Variants in LRRTM4 observed in about 807,000 individuals in gnomAD.
LRRTM4 encodes the protein leucine rich repeat transmembrane neuronal 4, also known as leucine-rich repeat transmembrane neuronal protein 4.
A neutral mutation model predicts 47.6 loss-of-function variants in LRRTM4; 25 were observed. That is an observed-to-expected ratio of 0.53 (90% confidence interval 0.38 to 0.73). The LOEUF is 0.73. LRRTM4 is among the 30% of genes least tolerant of loss of function. The pLI, the probability that LRRTM4 is intolerant of heterozygous loss-of-function variation, is 0.00. For synonymous variants in LRRTM4, 311 were observed against 269.5 expected, an observed-to-expected ratio of 1.15 and a Z score of -1.51; for missense variants, 638 against 713.4, an observed-to-expected ratio of 0.89 and a Z score of 1.20.
At chr2:77,475,438 A>AT (rs1450906924) in intron 3 of LRRTM4, among the ~76,000 whole-genome samples, 1 of 152,044 alleles carries the variant, frequency 6.6e-6, no homozygotes, top group Non-Finnish European at 1.5e-5. Flanking sequence ...TGGCTAAAAT[A>AT]CTTTTTACAA....
chr2:77,478,493 A>T (rs994925166), intron 3 of LRRTM4, among the ~76,000 whole-genome samples: 1 of 152,190 alleles, frequency 6.6e-6, no homozygotes, highest in African/African-American at 2.4e-5. Context: ...TTAGCATTTT[A>T]AAAATTTCAT....
chr2:77,398,408 G>T (rs1054144703), intron 3 of LRRTM4, among the ~76,000 whole-genome samples: 1 of 151,850 alleles, frequency 6.6e-6, no homozygotes, highest in Admixed American at 6.6e-5. Context: ...TCTCAGAGGA[G>T]TCTGAGCTGC....
intron 3 of LRRTM4, among the ~76,000 whole-genome samples, chr2:77,363,970 T>C (rs1167902733): frequency 1.3e-5 from 2 of 152,106 alleles, no homozygotes; most frequent in Non-Finnish European, 2.9e-5. Context: ...CCCCATATGA[T>C]TGACACATTT....
intron 3 of LRRTM4, among the ~76,000 whole-genome samples, chr2:76,800,997 A>C (rs373147431): frequency 0.041 from 5,996 of 147,132 alleles, 453 homozygotes; most frequent in African/African-American, 0.13. Context: ...GGCAATCATT[A>C]AAAAGGCAGG....
rs544630064 is a variant in LRRTM4, at chr2:77,176,731, T to C, written c.1551+341587A>G. Among the ~76,000 whole-genome samples the C allele has an allele frequency of 2.6e-5, 4 of 152,294 alleles. No homozygotes were observed. In the South Asian group the frequency reaches 8.3e-4, roughly 32 times the overall value. ...AGGAATTTAGGAAACTGATTTTACATATTGGTTTTATATTTTAGGCATTCT... is the reference window on the plus strand; with the variant it reads ...AGGAATTTAGGAAACTGATTTTACACATTGGTTTTATATTTTAGGCATTCT... On this transcript the variant is annotated intron_variant, in intron 3 of 3. Transcript: ENST00000409884.
chr2:76,834,843 T>C (rs758776945), intron 3 of LRRTM4, among the ~76,000 whole-genome samples: 3 of 152,148 alleles, frequency 2.0e-5, no homozygotes, highest in Non-Finnish European at 2.9e-5. Context: ...CAATAGTACT[T>C]GAATAAATGC....
At chr2:76,859,384 T>C (rs572430927) in intron 3 of LRRTM4, among the ~76,000 whole-genome samples, 12 of 152,280 alleles carry the variant, frequency 7.9e-5, no homozygotes, top group African/African-American at 2.4e-4. Context: ...GTTAAACACA[T>C]TGGATAATGC....
chr2:77,031,799 T>C (rs1293555776), intron 3 of LRRTM4, among the ~76,000 whole-genome samples: 1 of 152,130 alleles, frequency 6.6e-6, no homozygotes, highest in African/African-American at 2.4e-5. Flanking sequence ...TAAATTAATA[T>C]AGTGAATTAT....
Position 77,406,195 on chromosome 2 carries a change from T to C in LRRTM4, c.1551+112123A>G, listed in dbSNP as rs1269192003. 2.0e-5 allele frequency among the ~76,000 whole-genome samples: 3 copies of C among 152,034 alleles called. No individual in the cohort carries two copies. In the East Asian group the frequency reaches 5.8e-4, roughly 29 times the overall value. On this transcript the variant is annotated intron_variant, in intron 3 of 3. Coordinates refer to ENST00000409884, the MANE Select transcript of LRRTM4 (RefSeq NM_001134745.3). ...AACAGGAAAATGAGAAAAAAAGATA[T>C]ACCTGAAAGCTGTTGACTAGAGTCT...
chr2:77,204,741 G>T (rs776749546), intron 3 of LRRTM4, among the ~76,000 whole-genome samples: 19 of 152,104 alleles, frequency 1.2e-4, no homozygotes, highest in Non-Finnish European at 2.2e-4. Context: ...ACTCCATGAA[G>T]GTAGCAGCCT....
intron 3 of LRRTM4, among the ~76,000 whole-genome samples, chr2:76,908,768 T>G (rs192739242): frequency 6.6e-6 from 1 of 151,944 alleles, no homozygotes; most frequent in South Asian, 2.1e-4. Context: ...ATAAAATACC[T>G]AGGAATCCAC....
At chr2:77,251,343 A>G (rs1407210707) in intron 3 of LRRTM4, among the ~76,000 whole-genome samples, 1 of 151,440 alleles carries the variant, frequency 6.6e-6, no homozygotes, top group Non-Finnish European at 1.5e-5. Flanking sequence ...GCACTTGTCT[A>G]TTGTAGATTT....
At chr2:77,020,093 A>T (rs577411119) in intron 3 of LRRTM4, among the ~76,000 whole-genome samples, 1 of 152,294 alleles carries the variant, frequency 6.6e-6, no homozygotes, top group Admixed American at 6.5e-5. Context: ...AGATATTATA[A>T]ATGTGCTTCT....
chr2:77,264,847 C>A (rs979755912), intron 3 of LRRTM4, among the ~76,000 whole-genome samples: 3 of 152,084 alleles, frequency 2.0e-5, no homozygotes, highest in Non-Finnish European at 4.4e-5. Context: ...TGACTATATT[C>A]ATTGAATTAA....
intron 3 of LRRTM4, among the ~76,000 whole-genome samples, chr2:76,948,438 T>C (rs961190039): frequency 6.6e-6 from 1 of 151,828 alleles, no homozygotes; most frequent in African/African-American, 2.4e-5. Flanking sequence ...AATGTAATAG[T>C]CTTACACTAT....
intron 3 of LRRTM4, among the ~76,000 whole-genome samples, chr2:76,898,076 G>A (rs898967870): frequency 2.6e-4 from 39 of 152,124 alleles, no homozygotes; most frequent in African/African-American, 9.2e-4. Flanking sequence ...ATTGAAGAGG[G>A]TGAGAGCACA....
At chr2:76,925,035 A>G (rs1278851471) in intron 3 of LRRTM4, among the ~76,000 whole-genome samples, 1 of 152,094 alleles carries the variant, frequency 6.6e-6, no homozygotes, top group Non-Finnish European at 1.5e-5. Flanking sequence ...TAAAACATGG[A>G]GAGTCGATGG....
At chr2:76,979,271 C>T (rs1573396465) in intron 3 of LRRTM4, among the ~76,000 whole-genome samples, 1 of 152,042 alleles carries the variant, frequency 6.6e-6, no homozygotes, top group South Asian at 2.1e-4. Flanking sequence ...AGTAGGGTGT[C>T]TATTACTACT....
At chr2:76,887,309 T>C (rs1467760877) in intron 3 of LRRTM4, among the ~76,000 whole-genome samples, 1 of 151,580 alleles carries the variant, frequency 6.6e-6, no homozygotes, top group East Asian at 1.9e-4. Flanking sequence ...TATTCAAAAT[T>C]TGTAAAGCAA....
Sources: allele counts gnomAD v4.1 joint callset (sites outside exome capture counted in the v4.1 genomes callset), GRCh38; gene constraint gnomAD v4.1.1; transcripts MANE v1.5; gene names NCBI Gene and HGNC (gene_info 2026-07-23, HGNC 2026-07-21).